SYNE2: variants seen among roughly 807,000 people sequenced by gnomAD.
SYNE2 encodes nesprin-2.
In SYNE2, 431 loss-of-function variants were observed where a neutral mutation model predicts 856.3. That is an observed-to-expected ratio of 0.50 (90% CI 0.47 to 0.55). The LOEUF (loss-of-function observed/expected upper bound fraction) is 0.55. Among genes scored for constraint, SYNE2 ranks in the 20% least tolerant of loss-of-function variants. The pLI is 0.00. For synonymous variants in SYNE2, 2,923 were observed against 2,872.3 expected, an observed-to-expected ratio of 1.02 and a Z score of -0.56; for missense variants, 8,129 against 8,023.2, an observed-to-expected ratio of 1.01 and a Z score of -0.50.
At chr14:63,770,511 A>C (rs879209007) in intron 1 of SYNE2, among the ~76,000 whole-genome samples, 1 of 152,164 alleles carries the variant, frequency 6.6e-6, no homozygotes, top group Non-Finnish European at 1.5e-5. Flanking sequence ...AATAAGTATA[A>C]AATGATGGCT....
intron 1 of SYNE2, among the ~76,000 whole-genome samples, chr14:63,841,704 A>G (rs1176045148): frequency 6.6e-6 from 1 of 151,652 alleles, no homozygotes; most frequent in Non-Finnish European, 1.5e-5. Context: ...AGTAAATGAT[A>G]TTTCTGTTTG....
At chr14:64,112,407 C>G (rs1219135041) in intron 65 of SYNE2, among the ~76,000 whole-genome samples, 2 of 152,190 alleles carry the variant, frequency 1.3e-5, no homozygotes, top group Non-Finnish European at 2.9e-5. Context: ...AAAGGAATTT[C>G]TCTAGAAGTA....
chr14:64,128,356 T>G, intron 73 of SYNE2, 96 bp from the exon 74 acceptor site: 3 of 708,576 alleles, frequency 4.2e-6, no homozygotes, highest in Non-Finnish European at 5.1e-6. Context: ...TGTTTGAAAT[T>G]TCTAGTGTCA....
chr14:64,049,071 A>G (rs1006967629), intron 46 of SYNE2: 1 of 152,222 alleles, frequency 6.6e-6, no homozygotes, highest in Non-Finnish European at 1.5e-5. Context: ...TTAAGATAAT[A>G]GAGTGATCTG....
At chr14:64,101,554 C>T (rs78314601) in intron 63 of SYNE2, among the ~76,000 whole-genome samples, 71 of 152,190 alleles carry the variant, frequency 4.7e-4, no homozygotes, top group Non-Finnish European at 9.3e-4. Context: ...GTGATCCTCC[C>T]ACTTCAGCCT....
chr14:64,005,792 A>G (rs939479689), intron 30 of SYNE2, among the ~76,000 whole-genome samples: 1 of 152,208 alleles, frequency 6.6e-6, no homozygotes, highest in Non-Finnish European at 1.5e-5. Context: ...AAGGCTGTTT[A>G]AAGCTATGAG....
intron 45 of SYNE2, among the ~76,000 whole-genome samples, chr14:64,037,298 C>T (rs1431818902): frequency 6.6e-6 from 1 of 151,538 alleles, no homozygotes; most frequent in Non-Finnish European, 1.5e-5. Context: ...GTGTTTGTGT[C>T]CCTGGGTACT....
At chr14:64,120,881 T>C (rs781676989) in intron 67 of SYNE2, 46 bp from the exon 68 acceptor site, 5 of 1,608,412 alleles carry the variant, frequency 3.1e-6, no homozygotes, top group Non-Finnish European at 4.3e-6. Context: ...TAAAGTGGAG[T>C]TTATTTTTAA....
intron 80 of SYNE2, among the ~76,000 whole-genome samples, chr14:64,140,363 A>T (rs1467425339): frequency 6.6e-6 from 1 of 152,198 alleles, no homozygotes; most frequent in Non-Finnish European, 1.5e-5. Context: ...GCAGTGGATC[A>T]GCTGAGATCG....
chr14:64,163,259 G>T, intron 88 of SYNE2, 143 bp from the exon 89 acceptor site: 1 of 1,031,240 alleles, frequency 9.7e-7, no homozygotes, highest in Non-Finnish European at 1.4e-6. Flanking sequence ...AGCCTTTTCA[G>T]CTATTTAAAA....
rs966683960 is a variant in SYNE2, at chr14:63,996,685, T to C, written c.2941-262T>C. 2.0e-5 allele frequency among the ~76,000 whole-genome samples: 3 copies of C among 152,226 alleles called. 1 individual carries two copies. The highest frequency in any genetic ancestry group is 7.2e-5 in the African/African-American group (3 of 41,454). On this transcript the variant is annotated intron_variant, in intron 23 of 115. Transcript: ENST00000555002. ...TCCCTCTTGTGAGGCAAGCTTTCTC[T>C]GACTCCTTCAGGCGGGTAGGCTCTA...
chr14:64,167,334 A>C lies in SYNE2; in HGVS notation c.16707A>C (p.Gln5569His). Reference sequence around the variant, plus strand: ...GTGACGTAGCTGTGAAGACGTTACAAAATATGAACCGGCAATGGATTCGGG... The same window carrying C: ...GTGACGTAGCTGTGAAGACGTTACACAATATGAACCGGCAATGGATTCGGG... Reference protein sequence around the residue: ...PLSDVAVKTLQNMNRQWIRAT... With the variant: ...PLSDVAVKTLHNMNRQWIRAT... The change falls in exon 91 of 116, where the codon CAA (glutamine) becomes CAC (histidine). Residue 5569 changes from glutamine (Q) to histidine (H), a missense_variant. Gln to His is a conservative substitution (Grantham distance 24). Around this residue, in one of 3 missense-constraint regions of SYNE2, gnomAD observed 5,410 missense variants for 5,284.8 expected, o/e 1.02. Transcript: ENST00000555002. The C allele has an allele frequency of 6.2e-7, 1 of 1,614,254 alleles. No individual in the cohort carries two copies. Among genetic ancestry groups the C allele is most frequent in the South Asian group, 1.1e-5 (1 of 91,088 alleles).
intron 1 of SYNE2, among the ~76,000 whole-genome samples, chr14:63,868,723 TGTGTGC>T (rs1441767429): frequency 6.8e-6 from 1 of 147,650 alleles, no homozygotes; most frequent in Non-Finnish European, 1.5e-5. Context: ...TATGTGTGCA[TGTGTGC>T]GTGTGTGTGT....
rs2096981218 is a variant in SYNE2, at chr14:64,026,631, A to G, written c.6305A>G (p.Lys2102Arg). 2 of 1,613,748 alleles carry G rather than the reference A, an allele frequency of 1.2e-6. No homozygotes were observed. The highest frequency in any genetic ancestry group is 1.7e-6 in the Non-Finnish European group (2 of 1,179,854). The change falls in exon 42 of 116, where the codon AAG becomes AGG. Residue 2102 changes from lysine (K) to arginine (R), a missense_variant. Around this residue, in one of 3 missense-constraint regions of SYNE2, gnomAD observed 297 missense variants for 380.9 expected, o/e 0.78. Transcript: ENST00000555002. ...GATGCCAGAATAGAGACCATCATGA[A>G]GCAGGCTGAGAGCAGCGAGGCCCCG... ...EGDARIETIM[K>R]QAESSEAPLV...
chr14:64,158,785 A>G lies in SYNE2; in HGVS notation c.15953A>G (p.Glu5318Gly). The G allele has an allele frequency of 1.9e-6, 3 of 1,613,934 alleles. No homozygotes were observed. Among genetic ancestry groups the G allele is most frequent in the Non-Finnish European group, 2.5e-6 (3 of 1,179,854 alleles). The change falls in exon 86 of 116, where the codon GAG becomes GGG. Residue 5318 changes from glutamate (E) to glycine (G), a missense_variant. Glu to Gly is a moderately conservative substitution (Grantham distance 98). Coordinates refer to ENST00000555002, the MANE Select transcript of SYNE2 (RefSeq NM_182914.3). ...LSLETLRCQVENLQSLQDEAE... is the reference protein window; with the variant it reads ...LSLETLRCQVGNLQSLQDEAE... Reference sequence around the variant, plus strand: ...TTGGAGACCTTGAGATGCCAGGTGGAGAACCTTCAGGTAAATTAACCAGAG... The same window carrying G: ...TTGGAGACCTTGAGATGCCAGGTGGGGAACCTTCAGGTAAATTAACCAGAG...
intron 1 of SYNE2, among the ~76,000 whole-genome samples, chr14:63,865,714 A>C (rs58432462): frequency 0.45 from 21,240 of 46,888 alleles, 4,239 homozygotes; most frequent in South Asian, 0.54. Flanking sequence ...CTCTGTACCC[A>C]CCCCCCCCCC....
chr14:63,918,019 G>C (rs999270309), intron 2 of SYNE2, among the ~76,000 whole-genome samples: 2 of 151,946 alleles, frequency 1.3e-5, no homozygotes, highest in Non-Finnish European at 2.9e-5. Flanking sequence ...TGTTAAAGTG[G>C]GTTAACAAAG....
At chr14:64,128,814 A>G (rs1337060302) in intron 74 of SYNE2, among the ~76,000 whole-genome samples, 1 of 152,238 alleles carries the variant, frequency 6.6e-6, no homozygotes, top group Non-Finnish European at 1.5e-5. Flanking sequence ...GTATTGGAAA[A>G]TGAGACCCTC....
intron 2 of SYNE2, among the ~76,000 whole-genome samples, chr14:63,931,399 A>C (rs1432798976): frequency 6.6e-6 from 1 of 151,896 alleles, no homozygotes; most frequent in Non-Finnish European, 1.5e-5. Context: ...AAAATACAAA[A>C]ATTAGCCGGG....
Sources: allele counts gnomAD v4.1 joint callset (sites outside exome capture counted in the v4.1 genomes callset), GRCh38; gene constraint gnomAD v4.1.1; regional missense constraint gnomAD v4.1.1; transcripts MANE v1.5; gene names NCBI Gene and HGNC (gene_info 2026-07-23, HGNC 2026-07-21).